Variants in EYS observed in about 807,000 individuals in gnomAD.
The protein encoded by EYS is EGF-like photoreceptor maintenance factor.
In EYS, 250 loss-of-function variants were observed where a neutral mutation model predicts 282.1. The ratio of observed to expected loss-of-function variants is 0.89; its 90% CI spans 0.80 to 0.98. The LOEUF is 0.98. EYS is among the 50% of genes least tolerant of loss of function. EYS has a pLI of 0.00. For missense variants in EYS, 4,016 were observed against 3,709.0 expected (o/e 1.08, Z -2.15); for synonymous variants, 1,355 against 1,282.9 (o/e 1.06, Z -1.20).
chr6:64,168,434 T>G (rs1582374116), intron 31 of EYS, among the ~76,000 whole-genome samples: 1 of 152,278 alleles, frequency 6.6e-6, no homozygotes, highest in East Asian at 1.9e-4. Context: ...AAACCAGAGC[T>G]TCTACTCCTA....
At chr6:65,105,698 C>G (rs950809640) in intron 12 of EYS, among the ~76,000 whole-genome samples, 3 of 151,844 alleles carry the variant, frequency 2.0e-5, no homozygotes, top group African/African-American at 7.2e-5. Flanking sequence ...ATTTGAATCC[C>G]TATTCCGTGA....
At chr6:65,634,552 C>T (rs1206396825) in intron 2 of EYS, among the ~76,000 whole-genome samples, 2 of 152,178 alleles carry the variant, frequency 1.3e-5, no homozygotes, top group Non-Finnish European at 2.9e-5. Context: ...CAAGGCCAGT[C>T]ATCTATTCAG....
chr6:64,359,973 A>T (rs532353234), intron 29 of EYS, among the ~76,000 whole-genome samples: 2 of 151,818 alleles, frequency 1.3e-5, no homozygotes, highest in African/African-American at 4.8e-5. Context: ...CTATTTGGAA[A>T]ATTGTAACTC....
chr6:65,025,970 A>G (rs903195579), intron 13 of EYS, among the ~76,000 whole-genome samples: 4 of 152,154 alleles, frequency 2.6e-5, no homozygotes, highest in Admixed American at 1.3e-4. Context: ...CATAAATACA[A>G]AATTCCTAAT....
intron 5 of EYS, among the ~76,000 whole-genome samples, chr6:65,451,433 A>G (rs79171282): frequency 0.033 from 5,079 of 152,194 alleles, 255 homozygotes; most frequent in African/African-American, 0.11. Flanking sequence ...AACGACTCAG[A>G]TGCCCCTTTA....
intron 11 of EYS, among the ~76,000 whole-genome samples, chr6:65,305,878 G>A (rs1768991412): frequency 6.6e-6 from 1 of 152,088 alleles, no homozygotes; most frequent in Admixed American, 6.5e-5. Context: ...GGGAAAAAAT[G>A]AGCTTATTCA....
intron 24 of EYS, among the ~76,000 whole-genome samples, chr6:64,614,664 A>G (rs1162730789): frequency 6.6e-6 from 1 of 152,126 alleles, no homozygotes; most frequent in Non-Finnish European, 1.5e-5. Flanking sequence ...ACTGAACATC[A>G]TAGTTTGGCC....
chr6:64,303,391 T>C (rs1769303400), intron 30 of EYS, among the ~76,000 whole-genome samples: 1 of 152,218 alleles, frequency 6.6e-6, no homozygotes, highest in Non-Finnish European at 1.5e-5. Flanking sequence ...GTGACCAGCA[T>C]GCCTGACAGG....
chr6:65,419,557 C>T (rs1448691600), intron 5 of EYS, among the ~76,000 whole-genome samples: 1 of 151,804 alleles, frequency 6.6e-6, no homozygotes, highest in Non-Finnish European at 1.5e-5. Context: ...TAGAACAGCT[C>T]CATTCAAGAG....
At chr6:63,994,466 A>G (rs928522891) in intron 34 of EYS, among the ~76,000 whole-genome samples, 1 of 151,830 alleles carries the variant, frequency 6.6e-6, no homozygotes, top group African/African-American at 2.4e-5. Context: ...GAGACGAGAG[A>G]CCCTGAAAGG....
chr6:65,428,087 T>C (rs1417298567), intron 5 of EYS, among the ~76,000 whole-genome samples: 1 of 152,162 alleles, frequency 6.6e-6, no homozygotes, highest in Non-Finnish European at 1.5e-5. Flanking sequence ...TGATATCAAC[T>C]ACTGCTGGTG....
chr6:65,114,773 A>T (rs1026928664), intron 12 of EYS, among the ~76,000 whole-genome samples: 1 of 152,010 alleles, frequency 6.6e-6, no homozygotes, highest in Non-Finnish European at 1.5e-5. Context: ...TTAACAACCA[A>T]CTGCATGTTG....
Position 64,975,434 on chromosome 6 carries a change from A to T in EYS, c.2259+22148T>A, listed in dbSNP as rs911899084. On this transcript the variant is annotated intron_variant, in intron 14 of 42. Transcript: ENST00000503581. ...TGGTTATTTGGACAGTATATGTGAGATGCAGACATCTGTTAGGATATTTTT... is the reference window on the plus strand; with the variant it reads ...TGGTTATTTGGACAGTATATGTGAGTTGCAGACATCTGTTAGGATATTTTT... Among the ~76,000 whole-genome samples the T allele has an allele frequency of 7.2e-5, 11 of 152,004 alleles. No homozygotes were observed. The East Asian group carries it at 1.6e-3, about 21-fold the overall frequency.
intron 12 of EYS, among the ~76,000 whole-genome samples, chr6:65,232,527 G>A (rs760436609): frequency 3.0e-4 from 46 of 152,004 alleles, no homozygotes; most frequent in Non-Finnish European, 5.0e-4. Flanking sequence ...AAACGTTTGA[G>A]TAGTTTTAGA....
At chr6:64,247,613 T>A (rs1003623766) in intron 30 of EYS, among the ~76,000 whole-genome samples, 1 of 152,134 alleles carries the variant, frequency 6.6e-6, no homozygotes, top group Admixed American at 6.6e-5. Flanking sequence ...CCGGGACCCT[T>A]TGAAGGAGAA....
intron 15 of EYS, among the ~76,000 whole-genome samples, chr6:64,916,134 A>G (rs1768155541): frequency 6.6e-6 from 1 of 152,182 alleles, no homozygotes; most frequent in African/African-American, 2.4e-5. Flanking sequence ...CTAGAGAATT[A>G]ATATTTTCTA....
At chr6:63,849,435 G>C (rs990900140) in intron 36 of EYS, among the ~76,000 whole-genome samples, 23 of 152,170 alleles carry the variant, frequency 1.5e-4, no homozygotes, top group African/African-American at 5.5e-4. Context: ...TCATACAGGA[G>C]AGCACTGGCT....
At chr6:63,954,393 A>G (rs1319276395) in intron 35 of EYS, among the ~76,000 whole-genome samples, 1 of 152,188 alleles carries the variant, frequency 6.6e-6, no homozygotes, top group Non-Finnish European at 1.5e-5. Flanking sequence ...TCACTCTTGC[A>G]AAGGGACGAG....
chr6:65,448,592 T>C (rs970428250), intron 5 of EYS, among the ~76,000 whole-genome samples: 1 of 151,926 alleles, frequency 6.6e-6, no homozygotes, highest in Non-Finnish European at 1.5e-5. Context: ...ATAAACACAA[T>C]AGGATATTTT....
Sources: gnomAD v4.1 joint callset for allele counts (sites outside exome capture counted in the v4.1 genomes callset) on GRCh38, gnomAD v4.1.1 for gene constraint, MANE v1.5 for transcripts, NCBI Gene and HGNC (gene_info 2026-07-23, HGNC 2026-07-21) for gene names.